Variants in EXD3 observed in about 807,000 individuals in gnomAD.
The protein encoded by EXD3 is exonuclease mut-7 homolog.
Under a neutral mutation model 98.0 loss-of-function variants are expected in EXD3, and 92 were observed. The observed-to-expected ratio is 0.94, with a 90% CI of 0.79 to 1.12. The LOEUF is 1.12. EXD3 is among the 50% of genes most tolerant of loss of function. EXD3 has a pLI of 0.00. For missense variants in EXD3, 1,222 were observed against 1,191.6 expected, an observed-to-expected ratio of 1.03 and a Z score of -0.38; for synonymous variants, 569 against 526.0, an observed-to-expected ratio of 1.08 and a Z score of -1.12.
chr9:137,317,602 G>A (rs145787209), intron 19 of EXD3, among the ~76,000 whole-genome samples: 5 of 152,178 alleles, frequency 3.3e-5, no homozygotes, highest in Admixed American at 2.0e-4. Flanking sequence ...GGGGGATGAG[G>A]GGGCAGTGGG....
At chr9:137,422,273 G>A (rs1365870457) in intron 1 of EXD3, among the ~76,000 whole-genome samples, 1 of 152,082 alleles carries the variant, frequency 6.6e-6, no homozygotes, top group East Asian at 1.9e-4. Flanking sequence ...TGATCAAAAG[G>A]GGGGCAAATG....
intron 17 of EXD3, among the ~76,000 whole-genome samples, chr9:137,331,610 G>A (rs1216523059): frequency 1.3e-5 from 2 of 152,182 alleles, no homozygotes; most frequent in Non-Finnish European, 2.9e-5. Context: ...CAACGACCAA[G>A]CTGAGAAGGA....
intron 18 of EXD3, 72 bp from the exon 19 acceptor site, chr9:137,323,928 G>T (rs1474978982): frequency 3.2e-6 from 5 of 1,539,926 alleles, no homozygotes; most frequent in Non-Finnish European, 4.4e-6. Context: ...GCCCGCCTCC[G>T]CCAGCATGGG....
intron 8 of EXD3, among the ~76,000 whole-genome samples, chr9:137,355,374 C>T (rs58193745): frequency 0.62 from 60,587 of 98,342 alleles, 20,046 homozygotes; most frequent in East Asian, 0.93. Context: ...ACGCCCAGAG[C>T]GCAGCCACGG....
At chr9:137,339,496 C>CAAAAAAAAAAA (rs57029740) in intron 17 of EXD3, among the ~76,000 whole-genome samples, 1 of 92,698 alleles carries the variant, frequency 1.1e-5, no homozygotes, top group African/African-American at 3.7e-5. Flanking sequence ...GACGCCACTT[C>CAAAAAAAAAAA]AAAAAAAAAA....
chr9:137,331,927 A>G (rs183504239), intron 17 of EXD3, among the ~76,000 whole-genome samples: 2 of 152,260 alleles, frequency 1.3e-5, no homozygotes, highest in Admixed American at 1.3e-4. Flanking sequence ...AAAAATAAAA[A>G]TAAATAAATA....
At chr9:137,310,114 C>G (rs1831283260) in intron 19 of EXD3, among the ~76,000 whole-genome samples, 1 of 152,268 alleles carries the variant, frequency 6.6e-6, no homozygotes, top group African/African-American at 2.4e-5. Flanking sequence ...CTGTCCATTT[C>G]CACATCCACA....
Position 137,356,336 on chromosome 9 carries a change from T to A in EXD3, c.689A>T (p.Glu230Val). 1.2e-6 allele frequency: 2 copies of A among 1,604,624 alleles called. No individual in the cohort carries two copies. Among genetic ancestry groups the A allele is most frequent in the Non-Finnish European group, 1.7e-6 (2 of 1,175,970 alleles). ...GCTCAGCGCCTTCGGACTCAGCTTC[T>A]CCAGGCTCAAGGAGGTCACCTCAGG... is the stretch of plus-strand genomic sequence containing the variant. ...RYPEVTSLSL[E>V]KLSPKALSRQ... The change falls in exon 8 of 22, where the codon GAG becomes GTG. Residue 230 changes from glutamate to valine, a missense_variant. Transcript: ENST00000340951.
intron 5 of EXD3, among the ~76,000 whole-genome samples, chr9:137,372,150 C>T (rs961167832): frequency 6.6e-6 from 1 of 152,226 alleles, no homozygotes; most frequent in African/African-American, 2.4e-5. Context: ...CACACTTCTG[C>T]GACACCACTT....
intron 19 of EXD3, among the ~76,000 whole-genome samples, chr9:137,317,146 A>G (rs1831718381): frequency 6.6e-6 from 1 of 152,126 alleles, no homozygotes; most frequent in Admixed American, 6.5e-5. Context: ...GCTGAGGCTC[A>G]GGAGAGGCAG....
At chr9:137,307,447 T>G (rs544153009) in intron 21 of EXD3, among the ~76,000 whole-genome samples, 161 bp downstream of exon 21, 1 of 152,110 alleles carries the variant, frequency 6.6e-6, no homozygotes, top group African/African-American at 2.4e-5. Flanking sequence ...ACTTCTCCTA[T>G]CCAGGGACCC....
chr9:137,421,216 G>A (rs974619406), intron 1 of EXD3, among the ~76,000 whole-genome samples: 3 of 152,110 alleles, frequency 2.0e-5, no homozygotes, highest in African/African-American at 7.2e-5. Flanking sequence ...CTGTTATGAC[G>A]CCAGCACATT....
intron 1 of EXD3, among the ~76,000 whole-genome samples, chr9:137,398,925 G>A (rs576642902): frequency 4.3e-5 from 6 of 139,106 alleles, no homozygotes; most frequent in South Asian, 2.4e-4. Flanking sequence ...CCGCGTCTCC[G>A]TGACACATGT....
chr9:137,380,170 C>T (rs1836157618), intron 3 of EXD3, among the ~76,000 whole-genome samples: 1 of 151,906 alleles, frequency 6.6e-6, no homozygotes, highest in Non-Finnish European at 1.5e-5. Context: ...AGCCGTCCCA[C>T]CCACCCTGCC....
intron 2 of EXD3, among the ~76,000 whole-genome samples, chr9:137,387,973 C>T (rs1299250562): frequency 2.0e-5 from 3 of 152,234 alleles, no homozygotes; most frequent in African/African-American, 4.8e-5. Context: ...ACAGATGGCC[C>T]TGGCCAGGAG....
intron 17 of EXD3, among the ~76,000 whole-genome samples, chr9:137,330,230 C>T (rs1832954779): frequency 7.2e-6 from 1 of 139,832 alleles, no homozygotes; most frequent in Non-Finnish European, 1.5e-5. Flanking sequence ...AGGAACTACA[C>T]AGGACTACAC....
rs1046439094 is a variant in EXD3 at position 137,366,018 on chromosome 9, A to G, written c.656+475T>C. 9 of 620,386 alleles carry G rather than the reference A, an allele frequency of 1.5e-5. No individual in the cohort carries two copies. The Admixed American group carries it at 1.9e-4, about 13-fold the overall frequency. 38.4% of individuals were successfully genotyped at this position (620,386 alleles called of 1,614,324 possible). On this transcript the variant is annotated intron_variant, in intron 7 of 21. Coordinates refer to ENST00000340951, the MANE Select transcript of EXD3 (RefSeq NM_017820.5). ...CCTGCAGGCACACATGCACATGGGC[A>G]CACACATACATGCACACACATGCAC...
At chr9:137,396,268 C>T (rs1388124945) in intron 1 of EXD3, among the ~76,000 whole-genome samples, 2 of 152,180 alleles carry the variant, frequency 1.3e-5, no homozygotes, top group Non-Finnish European at 2.9e-5. Flanking sequence ...GCGCCTGGCC[C>T]CTGGGAGTGT....
At chr9:137,412,985 G>A (rs1838068367) in intron 1 of EXD3, among the ~76,000 whole-genome samples, 1 of 151,904 alleles carries the variant, frequency 6.6e-6, no homozygotes, top group African/African-American at 2.4e-5. Flanking sequence ...GTCTCACTAC[G>A]TCACCCAGAC....
Sources: allele counts gnomAD v4.1 joint callset (sites outside exome capture counted in the v4.1 genomes callset), GRCh38; gene constraint gnomAD v4.1.1; transcripts MANE v1.5; gene names NCBI Gene and HGNC (gene_info 2026-07-23, HGNC 2026-07-21).